Variants in FOXP2 observed in about 807,000 individuals in gnomAD.
The protein encoded by FOXP2 is forkhead box protein P2.
A neutral mutation model predicts 115.8 loss-of-function variants in FOXP2; 12 were observed. The ratio of observed to expected loss-of-function variants is 0.10; its 90% CI spans 0.07 to 0.17. The LOEUF (loss-of-function observed/expected upper bound fraction) is 0.17. Ranked by LOEUF, FOXP2 falls within the 10% of genes least tolerant of loss-of-function variation. The probability of loss-of-function intolerance (pLI) is 1.00; values close to 1 mark genes in which losing one functional copy is unlikely to be tolerated. For synonymous variants in FOXP2, 328 were observed against 297.7 expected (o/e 1.10, Z -1.05); for missense variants, 629 against 843.5 (o/e 0.75, Z 3.15).
rs530300835 is a variant in FOXP2, at chr7:114,476,433, C to T, written c.168+49754C>T. Among the ~76,000 whole-genome samples the T allele has an allele frequency of 4.0e-5, 6 of 151,778 alleles. No homozygotes were observed. In the South Asian group the frequency reaches 6.2e-4, roughly 16 times the overall value. ...TTGTTGAAGATCACATGGTTGTAGGCGTGCAGCATTATTTCTGAGTTTTCT... is the reference window on the plus strand; with the variant it reads ...TTGTTGAAGATCACATGGTTGTAGGTGTGCAGCATTATTTCTGAGTTTTCT... On this transcript the variant is annotated intron_variant, in intron 2 of 16. Coordinates refer to ENST00000350908, the MANE Select transcript of FOXP2 (RefSeq NM_014491.4).
At chr7:114,432,819 T>C (rs1039085415) in intron 2 of FOXP2, among the ~76,000 whole-genome samples, 3 of 151,986 alleles carry the variant, frequency 2.0e-5, no homozygotes, top group Non-Finnish European at 4.4e-5. Flanking sequence ...ACTAAAGATA[T>C]ATGATATGAC....
intron 2 of FOXP2, among the ~76,000 whole-genome samples, chr7:114,361,414 G>C (rs1211492174): frequency 6.6e-6 from 1 of 151,994 alleles, no homozygotes; most frequent in Non-Finnish European, 1.5e-5. Flanking sequence ...TTAAATTAGA[G>C]TTTAAATAGG....
intron 6 of FOXP2, among the ~76,000 whole-genome samples, chr7:114,635,074 C>A (rs1304280725): frequency 6.6e-6 from 1 of 151,988 alleles, no homozygotes; most frequent in Admixed American, 6.6e-5. Flanking sequence ...CATTATAGAA[C>A]TAGAGATTCT....
intron 2 of FOXP2, among the ~76,000 whole-genome samples, chr7:114,505,979 G>A (rs1797798455): frequency 6.6e-6 from 1 of 151,224 alleles, no homozygotes; most frequent in Non-Finnish European, 1.5e-5. Context: ...TTAGCTCTTT[G>A]AAACACCTTA....
chr7:114,491,108 T>C (rs1446124839), intron 2 of FOXP2, among the ~76,000 whole-genome samples: 2 of 152,200 alleles, frequency 1.3e-5, no homozygotes, highest in Admixed American at 1.3e-4. Flanking sequence ...TTGAACTAGT[T>C]TACAGACCCA....
chr7:114,437,657 T>A (rs1262384015), intron 2 of FOXP2, among the ~76,000 whole-genome samples: 3 of 152,208 alleles, frequency 2.0e-5, no homozygotes, highest in Admixed American at 6.5e-5. Flanking sequence ...TTACTAATAA[T>A]AAAAGGCTTT....
At chr7:114,275,135 T>A (rs1413404324) in intron 1 of FOXP2, among the ~76,000 whole-genome samples, 2 of 151,948 alleles carry the variant, frequency 1.3e-5, no homozygotes, top group African/African-American at 4.8e-5. Context: ...TAAACTTAGG[T>A]GTAGTTTTTT....
At chr7:114,248,936 T>G (rs1795360076) in intron 1 of FOXP2, among the ~76,000 whole-genome samples, 1 of 152,320 alleles carries the variant, frequency 6.6e-6, no homozygotes, top group East Asian at 1.9e-4. Context: ...ATGATGGAAC[T>G]TGGATTCAAA....
intron 2 of FOXP2, among the ~76,000 whole-genome samples, chr7:114,408,499 G>A (rs1793086786): frequency 6.6e-6 from 1 of 152,108 alleles, no homozygotes; most frequent in Non-Finnish European, 1.5e-5. Context: ...GGCCGAGGTG[G>A]GTGGATCATT....
At position 114,690,330 on chromosome 7, in the gene FOXP2, T is replaced by C. The variant is rs1275744283; in HGVS notation, c.*404T>C. Reference sequence around the variant, plus strand: ...CCAAAAATAGTGTTAGTTTCATTAATGTGAATTTTCCAGCATTCAGTAGTT... The same window carrying C: ...CCAAAAATAGTGTTAGTTTCATTAACGTGAATTTTCCAGCATTCAGTAGTT... On this transcript the variant is annotated 3_prime_UTR_variant, in exon 17 of 17. Transcript: ENST00000350908. 2 of 454,602 alleles carry C rather than the reference T, an allele frequency of 4.4e-6. No homozygotes were observed. The highest frequency in any genetic ancestry group is 4.7e-5 in the Admixed American group (2 of 42,542). The allele number at this position is 454,602 out of a possible 1,614,324, so 28.2% of individuals were successfully genotyped here.
In FOXP2 at chr7:114,644,687, C is replaced by G. The variant is rs1464232313; in HGVS notation, c.992C>G (p.Ser331Trp). ...GACGTCGTGTTCTTTTGCTACAGCT[C>G]GTCACATGAGGAGACTGGGGCCTCT... is the stretch of plus-strand genomic sequence containing the variant. Reference protein sequence around the residue: ...SSVLSARRDSSSHEETGASHT... With the variant: ...SSVLSARRDSWSHEETGASHT... The change falls in exon 8 of 17, where the codon TCG becomes TGG. Residue 331 changes from serine to tryptophan, a missense_variant and splice_region_variant. Ser to Trp is a radical substitution (Grantham distance 177, BLOSUM62 -3). Transcript: ENST00000350908. 1 of 1,613,116 alleles carries G rather than the reference C, an allele frequency of 6.2e-7. No homozygotes were observed. Among genetic ancestry groups the G allele is most frequent in the Non-Finnish European group, 8.5e-7 (1 of 1,179,310 alleles).
chr7:114,136,204 T>C (rs1792033847), intron 1 of FOXP2, among the ~76,000 whole-genome samples: 1 of 152,086 alleles, frequency 6.6e-6, no homozygotes, highest in Non-Finnish European at 1.5e-5. Flanking sequence ...CTTCCTTCTA[T>C]CCTCTACTCT....
At chr7:114,108,463 A>C (rs540606701) in intron 1 of FOXP2, among the ~76,000 whole-genome samples, 3 of 151,984 alleles carry the variant, frequency 2.0e-5, no homozygotes, top group Non-Finnish European at 4.4e-5. Context: ...GATTTCTTCA[A>C]AGTTTTAAAA....
intron 1 of FOXP2, among the ~76,000 whole-genome samples, chr7:114,117,367 G>A (rs1014910809): frequency 2.6e-5 from 4 of 151,660 alleles, no homozygotes; most frequent in South Asian, 2.1e-4. Context: ...GATTACAGAT[G>A]TGCACCACCA....
At chr7:114,133,503 A>T (rs1159546969) in intron 1 of FOXP2, among the ~76,000 whole-genome samples, 1 of 152,252 alleles carries the variant, frequency 6.6e-6, no homozygotes, top group Non-Finnish European at 1.5e-5. Flanking sequence ...CAGTCCAAGG[A>T]CTGAGCCCTG....
chr7:114,488,870 C>T (rs1584798248), intron 2 of FOXP2, among the ~76,000 whole-genome samples: 2 of 151,926 alleles, frequency 1.3e-5, no homozygotes, highest in South Asian at 2.1e-4. Flanking sequence ...CTGGGAGGCT[C>T]GACATATTTC....
intron 2 of FOXP2, among the ~76,000 whole-genome samples, chr7:114,321,634 A>G (rs2129181496): frequency 6.6e-6 from 1 of 152,264 alleles, no homozygotes; most frequent in East Asian, 1.9e-4. Flanking sequence ...TTTGTAGCAA[A>G]CGTGTGTATA....
intron 1 of FOXP2, among the ~76,000 whole-genome samples, chr7:114,137,685 A>G (rs1387896051): frequency 6.6e-6 from 1 of 152,354 alleles, no homozygotes; most frequent in South Asian, 2.1e-4. Context: ...ATGGGACAAG[A>G]TGTTAATCAA....
intron 1 of FOXP2, among the ~76,000 whole-genome samples, chr7:114,164,249 G>A (rs1338181737): frequency 6.6e-6 from 1 of 151,974 alleles, no homozygotes; most frequent in African/African-American, 2.4e-5. Flanking sequence ...CATAGAAAAG[G>A]AAGACTTTTT....
Sources: gnomAD v4.1 joint callset for allele counts (sites outside exome capture counted in the v4.1 genomes callset) on GRCh38, gnomAD v4.1.1 for gene constraint, MANE v1.5 for transcripts, NCBI Gene and HGNC (gene_info 2026-07-23, HGNC 2026-07-21) for gene names.